Variants in GALNTL6 observed in about 807,000 individuals in gnomAD.
GALNTL6 encodes polypeptide N-acetylgalactosaminyltransferase like 6.
GALNTL6 carries 46 observed loss-of-function variants against 73.7 expected under a neutral mutation model. That is an observed-to-expected ratio of 0.62 (90% CI 0.49 to 0.80). The LOEUF is 0.80. Among genes scored for constraint, GALNTL6 ranks in the 30% least tolerant of loss-of-function variants. The probability of loss-of-function intolerance (pLI) is 0.00; values close to 1 mark genes in which losing one functional copy is unlikely to be tolerated. For missense variants in GALNTL6, 604 were observed against 755.0 expected, an observed-to-expected ratio of 0.80 and a Z score of 2.34; for synonymous variants, 259 against 263.7, an observed-to-expected ratio of 0.98 and a Z score of 0.17.
At chr4:172,036,573 C>T (rs1195366211) in intron 2 of GALNTL6, among the ~76,000 whole-genome samples, 1 of 152,066 alleles carries the variant, frequency 6.6e-6, no homozygotes, top group Non-Finnish European at 1.5e-5. Flanking sequence ...CTCTTTTAAG[C>T]ACTTTGTATG....
rs533161202 is a variant in GALNTL6 at position 172,767,009 on chromosome 4, C to G, written c.554-42352C>G. 2.6e-5 allele frequency among the ~76,000 whole-genome samples: 4 copies of G among 152,282 alleles called. No homozygotes were observed. In the South Asian group the frequency reaches 8.3e-4, roughly 32 times the overall value. On this transcript the variant is annotated intron_variant, in intron 5 of 12. Coordinates refer to ENST00000506823, the MANE Select transcript of GALNTL6 (RefSeq NM_001034845.3). ...TACATACTGATGAGGCTATGAGAAC[C>G]CAGAACGATGTTCCTAGGCATTGCT... is the stretch of plus-strand genomic sequence containing the variant.
chr4:172,579,542 G>C (rs909124688), intron 5 of GALNTL6, among the ~76,000 whole-genome samples: 1 of 152,050 alleles, frequency 6.6e-6, no homozygotes, highest in African/African-American at 2.4e-5. Context: ...AATGTTCCTC[G>C]AAGGAATAAC....
intron 5 of GALNTL6, among the ~76,000 whole-genome samples, chr4:172,739,834 C>T (rs1247324718): frequency 6.6e-6 from 1 of 151,352 alleles, no homozygotes; most frequent in Non-Finnish European, 1.5e-5. Flanking sequence ...AAAAGAAATG[C>T]TTGTTATAAT....
Position 172,053,515 on chromosome 4 carries a change from C to T in GALNTL6, c.139-176141C>T, listed in dbSNP as rs1266774067. On this transcript the variant is annotated intron_variant, in intron 2 of 12. Coordinates refer to ENST00000506823, the MANE Select transcript of GALNTL6 (RefSeq NM_001034845.3). ...AAAGCTGTCTGGAATTAATTCTTTT[C>T]TAAAGGGACTGCTGAAAAAGACAGG... is the stretch of plus-strand genomic sequence containing the variant. 3.3e-5 allele frequency among the ~76,000 whole-genome samples: 5 copies of T among 152,090 alleles called. 1 individual carries two copies. Among genetic ancestry groups the T allele is most frequent in the Non-Finnish European group, 7.4e-5 (5 of 68,014 alleles).
chr4:172,211,172 A>G (rs546734524), intron 2 of GALNTL6, among the ~76,000 whole-genome samples: 2 of 152,244 alleles, frequency 1.3e-5, no homozygotes, highest in South Asian at 2.1e-4. Flanking sequence ...TTCATCTTGC[A>G]CATTTCCAGT....
intron 5 of GALNTL6, among the ~76,000 whole-genome samples, chr4:172,525,459 C>T (rs575386725): frequency 2.0e-5 from 3 of 151,978 alleles, no homozygotes; most frequent in South Asian, 4.2e-4. Flanking sequence ...TTATAAATGG[C>T]GTGGTTTTAA....
intron 2 of GALNTL6, among the ~76,000 whole-genome samples, chr4:171,832,987 A>C (rs922353155): frequency 2.0e-5 from 3 of 151,812 alleles, no homozygotes; most frequent in Non-Finnish European, 4.4e-5. Flanking sequence ...ATTTTTAAGC[A>C]GCCTTAAATG....
At chr4:171,945,649 A>G (rs1221847823) in intron 2 of GALNTL6, among the ~76,000 whole-genome samples, 1 of 152,144 alleles carries the variant, frequency 6.6e-6, no homozygotes, top group Non-Finnish European at 1.5e-5. Flanking sequence ...ATTTAAAATA[A>G]TAGCATGACA....
At chr4:172,562,192 G>A (rs970888781) in intron 5 of GALNTL6, among the ~76,000 whole-genome samples, 2 of 152,094 alleles carry the variant, frequency 1.3e-5, no homozygotes, top group Non-Finnish European at 2.9e-5. Context: ...AGCCAGTTGG[G>A]AGTATCAACA....
At chr4:173,024,455 C>G (rs546835119) in intron 12 of GALNTL6, among the ~76,000 whole-genome samples, 1 of 152,198 alleles carries the variant, frequency 6.6e-6, no homozygotes, top group Non-Finnish European at 1.5e-5. Flanking sequence ...TAGAAAATTC[C>G]TCTTGTTTTT....
At chr4:172,261,243 T>G (rs1165148492) in intron 3 of GALNTL6, among the ~76,000 whole-genome samples, 1 of 151,546 alleles carries the variant, frequency 6.6e-6, no homozygotes, top group African/African-American at 2.4e-5. Context: ...CTGGTTTTTT[T>G]TGTTGTTGAC....
At chr4:172,848,283 T>G (rs1657196870) in intron 7 of GALNTL6, among the ~76,000 whole-genome samples, 1 of 152,196 alleles carries the variant, frequency 6.6e-6, no homozygotes, top group South Asian at 2.1e-4. Context: ...TAGACTCATC[T>G]AAGCATCCTT....
At chr4:172,085,177 A>C (rs1731993837) in intron 2 of GALNTL6, among the ~76,000 whole-genome samples, 1 of 152,340 alleles carries the variant, frequency 6.6e-6, no homozygotes, top group Admixed American at 6.5e-5. Flanking sequence ...ACCTAATTTT[A>C]GTACATTTAG....
chr4:172,695,591 GT>G (rs1193330983), intron 5 of GALNTL6, among the ~76,000 whole-genome samples: 2 of 152,068 alleles, frequency 1.3e-5, no homozygotes, highest in East Asian at 1.9e-4. Context: ...CTCATTTCAT[GT>G]TTCTTATTTG....
At chr4:172,070,165 G>T (rs1731506828) in intron 2 of GALNTL6, among the ~76,000 whole-genome samples, 2 of 110,048 alleles carry the variant, frequency 1.8e-5, no homozygotes, top group African/African-American at 6.8e-5. Context: ...GGAACAAAAA[G>T]ATGAGATAAC....
At chr4:172,173,484 T>G (rs1734898639) in intron 2 of GALNTL6, among the ~76,000 whole-genome samples, 1 of 152,240 alleles carries the variant, frequency 6.6e-6, no homozygotes, top group African/African-American at 2.4e-5. Context: ...CTGCACCCCA[T>G]GGCCACTCAG....
chr4:172,144,330 C>T (rs1283293026), intron 2 of GALNTL6, among the ~76,000 whole-genome samples: 6 of 151,984 alleles, frequency 3.9e-5, no homozygotes, highest in Non-Finnish European at 5.9e-5. Flanking sequence ...AGAATTGTAC[C>T]GAATTTACCA....
intron 7 of GALNTL6, among the ~76,000 whole-genome samples, chr4:172,847,239 C>T (rs1384799543): frequency 6.6e-6 from 1 of 151,874 alleles, no homozygotes; most frequent in African/African-American, 2.4e-5. Context: ...TTAAAGAGAA[C>T]TCTATCACGC....
chr4:172,045,117 T>G (rs1464952564), intron 2 of GALNTL6, among the ~76,000 whole-genome samples: 1 of 152,094 alleles, frequency 6.6e-6, no homozygotes, highest in Non-Finnish European at 1.5e-5. Context: ...TAATATATTC[T>G]TTTTGATATC....
Sources: allele counts gnomAD v4.1 joint callset (sites outside exome capture counted in the v4.1 genomes callset), GRCh38; gene constraint gnomAD v4.1.1; transcripts MANE v1.5; gene names NCBI Gene and HGNC (gene_info 2026-07-23, HGNC 2026-07-21).